The following SH3GL3 variants were observed in gnomAD, a reference collection of about 807,000 sequenced individuals.
SH3GL3 encodes the protein SH3 domain containing GRB2 like 3, endophilin A3.
A neutral mutation model predicts 47.7 loss-of-function variants in SH3GL3; 33 were observed. That is an observed-to-expected ratio of 0.69 (90% CI 0.52 to 0.92). The LOEUF is 0.92. Ranked by LOEUF, SH3GL3 falls within the 40% of genes least tolerant of loss-of-function variation. The pLI, the probability that SH3GL3 is intolerant of heterozygous loss-of-function variation, is 0.00. For synonymous variants in SH3GL3, 155 were observed against 148.8 expected (o/e 1.04, Z -0.30); for missense variants, 363 against 417.8 (o/e 0.87, Z 1.14).
At chr15:83,489,837 CGATAGATA>C (rs60233650) in intron 1 of SH3GL3, among the ~76,000 whole-genome samples, 18,090 of 144,636 alleles carry the variant, frequency 0.13, 1,164 homozygotes, top group Admixed American at 0.17. Context: ...TGTCAGAAGC[CGATAGATA>C]GATAGATAGA....
intron 1 of SH3GL3, among the ~76,000 whole-genome samples, chr15:83,476,570 A>G (rs1489896572): frequency 6.6e-6 from 1 of 152,254 alleles, no homozygotes; most frequent in Non-Finnish European, 1.5e-5. Flanking sequence ...AATGGTTTTT[A>G]TAATTTCTTC....
intron 1 of SH3GL3, among the ~76,000 whole-genome samples, chr15:83,505,638 C>T (rs773773421): frequency 9.2e-5 from 14 of 151,466 alleles, no homozygotes; most frequent in South Asian, 2.1e-4. Context: ...AGCGATTCTC[C>T]GCCTCAGCTT....
At chr15:83,590,641 G>T (rs2060069551) in intron 8 of SH3GL3, among the ~76,000 whole-genome samples, 1 of 151,972 alleles carries the variant, frequency 6.6e-6, no homozygotes, top group East Asian at 1.9e-4. Context: ...TCTTACTGTG[G>T]GTTTAATTTG....
intron 8 of SH3GL3, among the ~76,000 whole-genome samples, chr15:83,599,998 A>AG (rs1395441623): frequency 1.7e-4 from 26 of 151,850 alleles, no homozygotes; most frequent in African/African-American, 6.3e-4. Flanking sequence ...TCTTTTGAGA[A>AG]TTGTCTATTC....
At chr15:83,490,925 G>A (rs753866955) in intron 1 of SH3GL3, 1 of 1,613,954 alleles carries the variant, frequency 6.2e-7, no homozygotes, top group East Asian at 2.2e-5. Flanking sequence ...AAAATGTTAA[G>A]GGGGAGTGGT....
chr15:83,512,118 A>T (rs2042783250), intron 1 of SH3GL3, among the ~76,000 whole-genome samples: 1 of 152,042 alleles, frequency 6.6e-6, no homozygotes. Context: ...GATAAATGCC[A>T]CCTGCTATTT....
chr15:83,618,206 C>G lies in SH3GL3; in HGVS notation c.963C>G (p.Asn321Lys). 6.2e-7 allele frequency: 1 copy of G among 1,610,434 alleles called. No homozygotes were observed. Among genetic ancestry groups the G allele is most frequent in the Non-Finnish European group, 8.5e-7 (1 of 1,176,626 alleles). The change falls in exon 9 of 9, where the codon AAC becomes AAG. Residue 321 changes from asparagine to lysine, a missense_variant. By Grantham distance (94) the Asn-to-Lys change is moderately conservative. Coordinates refer to ENST00000427482, the MANE Select transcript of SH3GL3 (RefSeq NM_003027.5). ...IITLTNQIDE[N>K]WYEGMIHGES... is the part of the protein sequence containing the mutation. ...CATTAACCAATCAAATAGATGAAAA[C>G]TGGTATGAAGGAATGATACACGGAG... is the stretch of plus-strand genomic sequence containing the variant.
rs2060877895 is a variant in SH3GL3, at chr15:83,618,125, TGA to T, written c.883_884del (p.Asp295LeufsTer2). On this transcript the variant is annotated frameshift_variant, in exon 9 of 9. Coordinates refer to ENST00000427482, the MANE Select transcript of SH3GL3 (RefSeq NM_003027.5). LOFTEE classifies it high-confidence loss of function. ...MDQPCCRGLY[D>X]FEPENQGELG... The stretch of plus-strand genomic sequence containing the variant: ...ACCAGCCCTGCTGTCGTGGTCTCTA[TGA>T]CTTTGAGCCAGAAAACCAAGGAGAA... The T allele has an allele frequency of 6.2e-7, 1 of 1,613,904 alleles. No individual in the cohort carries two copies.
chr15:83,596,017 T>C (rs1013479671), intron 8 of SH3GL3, among the ~76,000 whole-genome samples: 18 of 152,318 alleles, frequency 1.2e-4, no homozygotes, highest in South Asian at 2.1e-4. Flanking sequence ...GCGCTATCAA[T>C]TTCCCCCTAA....
intron 8 of SH3GL3, among the ~76,000 whole-genome samples, chr15:83,605,604 G>A (rs2060493862): frequency 6.6e-6 from 1 of 151,950 alleles, no homozygotes; most frequent in Non-Finnish European, 1.5e-5. Flanking sequence ...AGAATGCATC[G>A]TGGGACTGAG....
chr15:83,596,026 A>G (rs1172975280), intron 8 of SH3GL3, among the ~76,000 whole-genome samples: 4 of 152,026 alleles, frequency 2.6e-5, no homozygotes, highest in African/African-American at 9.7e-5. Context: ...ATTTCCCCCT[A>G]AGTACCACTT....
intron 1 of SH3GL3, among the ~76,000 whole-genome samples, chr15:83,498,475 T>C (rs2042167147): frequency 6.6e-6 from 1 of 152,234 alleles, no homozygotes; most frequent in African/African-American, 2.4e-5. Context: ...CACCAAATGC[T>C]GTGTTTTGTT....
intron 1 of SH3GL3, among the ~76,000 whole-genome samples, chr15:83,460,066 C>CT (rs1345987412): frequency 2.7e-5 from 3 of 112,924 alleles, no homozygotes; most frequent in Admixed American, 9.3e-5. Context: ...GCCTCCCTCC[C>CT]TCCCTTCCTT....
chr15:83,613,649 A>G (rs961002432), intron 8 of SH3GL3, among the ~76,000 whole-genome samples: 1 of 151,984 alleles, frequency 6.6e-6, no homozygotes, highest in Non-Finnish European at 1.5e-5. Flanking sequence ...CTATCTATCT[A>G]TCTATCTATC....
intron 1 of SH3GL3, among the ~76,000 whole-genome samples, chr15:83,540,500 CTT>C (rs1236984113): frequency 6.6e-6 from 1 of 152,010 alleles, no homozygotes; most frequent in Non-Finnish European, 1.5e-5. Context: ...TTTAAATTGA[CTT>C]TTTACAATTG....
chr15:83,615,225 C>T (rs1210486139), intron 8 of SH3GL3, among the ~76,000 whole-genome samples: 1 of 151,636 alleles, frequency 6.6e-6, no homozygotes, highest in Non-Finnish European at 1.5e-5. Context: ...CTGAAATATA[C>T]CTAGTTAAAT....
intron 1 of SH3GL3, among the ~76,000 whole-genome samples, chr15:83,494,708 A>T (rs1158664926): frequency 6.6e-6 from 1 of 151,836 alleles, no homozygotes; most frequent in Non-Finnish European, 1.5e-5. Flanking sequence ...GTGTCCAGCT[A>T]ATTTTTGTAC....
intron 1 of SH3GL3, among the ~76,000 whole-genome samples, chr15:83,514,229 A>C (rs1160986506): frequency 6.6e-6 from 1 of 152,202 alleles, no homozygotes; most frequent in African/African-American, 2.4e-5. Flanking sequence ...GGATTTCCAG[A>C]CCTAAAGAAG....
intron 1 of SH3GL3, among the ~76,000 whole-genome samples, chr15:83,476,916 T>C (rs2041127665): frequency 6.6e-6 from 1 of 152,244 alleles, no homozygotes; most frequent in Admixed American, 6.5e-5. Context: ...TGTCTGAATA[T>C]GCAGTTTGGT....
Sources: gnomAD v4.1 joint callset for allele counts (sites outside exome capture counted in the v4.1 genomes callset) on GRCh38, gnomAD v4.1.1 for gene constraint, MANE v1.5 for transcripts, NCBI Gene and HGNC (gene_info 2026-07-23, HGNC 2026-07-21) for gene names.